PTPRR: variants seen among roughly 807,000 people sequenced by gnomAD.
The protein encoded by PTPRR is receptor-type tyrosine-protein phosphatase R.
PTPRR carries 38 observed loss-of-function variants against 77.2 expected under a neutral mutation model. That is an observed-to-expected ratio of 0.49 (90% CI 0.38 to 0.65). The LOEUF (loss-of-function observed/expected upper bound fraction) is 0.65, where lower values mean the gene tolerates loss of function less well. Among genes scored for constraint, PTPRR ranks in the 30% least tolerant of loss-of-function variants. The pLI is 0.00. For missense variants in PTPRR, 744 were observed against 799.2 expected (o/e 0.93, Z 0.83); for synonymous variants, 299 against 283.1 (o/e 1.06, Z -0.57).
chr12:70,768,277 T>C (rs879326894), intron 2 of PTPRR, among the ~76,000 whole-genome samples: 64 of 151,374 alleles, frequency 4.2e-4, no homozygotes, highest in Non-Finnish European at 6.5e-4. Context: ...GCAAGACTAA[T>C]AAAGCAAGAG....
At position 70,761,621 on chromosome 12, in the gene PTPRR, C is replaced by T. The variant is rs199506963; in HGVS notation, c.477G>A (p.Lys159=). ...ACACAAACAGTTCAATACTGTTCTT[C>T]TTTCCCTAATAAAAGCAGAATATTT... The part of the protein sequence containing the change: ...QQVHINRLIG[K]KNSIELFVSP... Residue 159 remains lysine (K), a synonymous_variant, in exon 4 of 14, where the codon AAG becomes AAA. Transcript: ENST00000283228. The T allele has an allele frequency of 4.5e-6, 7 of 1,557,740 alleles. No individual in the cohort carries two copies. In the East Asian group the frequency reaches 1.4e-4, roughly 30 times the overall value.
intron 2 of PTPRR, among the ~76,000 whole-genome samples, chr12:70,770,931 A>G (rs1890957048): frequency 6.9e-6 from 1 of 144,966 alleles, no homozygotes; most frequent in African/African-American, 2.5e-5. Flanking sequence ...GCATATTCTC[A>G]CTCATAGGTG....
chr12:70,713,538 C>T (rs1015068229), intron 6 of PTPRR, among the ~76,000 whole-genome samples: 1 of 147,016 alleles, frequency 6.8e-6, no homozygotes, highest in African/African-American at 2.5e-5. Flanking sequence ...CCAATTTCTC[C>T]ACATTCTTGC....
At chr12:70,726,439 G>A (rs1889438997) in intron 6 of PTPRR, among the ~76,000 whole-genome samples, 1 of 152,086 alleles carries the variant, frequency 6.6e-6, no homozygotes, top group Non-Finnish European at 1.5e-5. Context: ...TTTCCTTTCT[G>A]TAAAATGGGG....
chr12:70,673,347 A>G (rs888027781), intron 10 of PTPRR, among the ~76,000 whole-genome samples: 12 of 152,332 alleles, frequency 7.9e-5, no homozygotes, highest in Admixed American at 7.2e-4. Context: ...ACACAGATAA[A>G]CATACATTAC....
chr12:70,827,911 G>A (rs1223614974), intron 2 of PTPRR, among the ~76,000 whole-genome samples: 2 of 151,650 alleles, frequency 1.3e-5, no homozygotes, highest in South Asian at 2.1e-4. Flanking sequence ...TAGTAGAGAC[G>A]GGTTTCACCA....
rs190113142 is a variant in PTPRR, at chr12:70,875,918, C to T, written c.357+16761G>A. ...AACTGATACACATGAAAGATGTTGT[C>T]CTTTTCCATAGTCAGGGAGATGCAA... On this transcript the variant is annotated intron_variant, in intron 2 of 13. Transcript: ENST00000283228. Among the ~76,000 whole-genome samples, 29 of 152,180 alleles carry T rather than the reference C, an allele frequency of 1.9e-4. No individual in the cohort carries two copies. The East Asian group carries it at 4.2e-3, about 22-fold the overall frequency.
In PTPRR at chr12:70,693,447, C is replaced by T. The variant is rs144039619; in HGVS notation, c.1279+4818G>A. 6.7e-3 allele frequency among the ~76,000 whole-genome samples: 1,026 copies of T among 152,104 alleles called. 4 individuals are homozygous for T. Among genetic ancestry groups the T allele is most frequent in the Non-Finnish European group, 0.011 (750 of 67,998 alleles). ...AAGTAGCTGGGACCACACATGTGCA[C>T]CACCATGCCTGGCTACATTTTGTAT... On this transcript the variant is annotated intron_variant, in intron 8 of 13. Coordinates refer to ENST00000283228, the MANE Select transcript of PTPRR (RefSeq NM_002849.4).
intron 13 of PTPRR, among the ~76,000 whole-genome samples, chr12:70,642,522 G>T (rs1466589249): frequency 6.6e-6 from 1 of 152,074 alleles, no homozygotes; most frequent in East Asian, 1.9e-4. Context: ...TCTTTAATAT[G>T]AGTAAGTTGA....
intron 2 of PTPRR, among the ~76,000 whole-genome samples, chr12:70,865,142 C>T (rs976936767): frequency 3.9e-5 from 6 of 152,150 alleles, no homozygotes; most frequent in South Asian, 2.1e-4. Context: ...ACGGGTTTCT[C>T]CTTTTGTTTG....
intron 2 of PTPRR, among the ~76,000 whole-genome samples, chr12:70,863,786 G>A (rs1256681699): frequency 6.6e-6 from 1 of 151,888 alleles, no homozygotes; most frequent in Non-Finnish European, 1.5e-5. Context: ...CTTAGAAAAT[G>A]TCCAGTACTT....
chr12:70,902,891 A>G (rs1347098573), intron 1 of PTPRR, among the ~76,000 whole-genome samples: 6 of 151,828 alleles, frequency 4.0e-5, no homozygotes, highest in African/African-American at 1.2e-4. Context: ...TATGGGAAAA[A>G]GAGAAAAGGT....
At chr12:70,695,926 A>G (rs1415447571) in intron 8 of PTPRR, among the ~76,000 whole-genome samples, 2 of 152,184 alleles carry the variant, frequency 1.3e-5, no homozygotes, top group Non-Finnish European at 2.9e-5. Flanking sequence ...CCAGAAGGGG[A>G]AGGCCAAAGA....
chr12:70,748,036 C>A (rs1289789121), intron 5 of PTPRR, among the ~76,000 whole-genome samples: 1 of 152,062 alleles, frequency 6.6e-6, no homozygotes, highest in African/African-American at 2.4e-5. Flanking sequence ...CTACTGGCAT[C>A]TGGTAGGCAG....
rs76401650 is a variant in PTPRR at position 70,759,259 on chromosome 12, G to T, written c.627+2212C>A. ...CATGACTATTTGTTGACTCAGTTTTGTTGTGTGCCCATTGCATGCCAGGCA... is the reference window on the plus strand; with the variant it reads ...CATGACTATTTGTTGACTCAGTTTTTTTGTGTGCCCATTGCATGCCAGGCA... On this transcript the variant is annotated intron_variant, in intron 4 of 13. Coordinates refer to ENST00000283228, the MANE Select transcript of PTPRR (RefSeq NM_002849.4). Among the ~76,000 whole-genome samples, 354 of 152,192 alleles carry T rather than the reference G, an allele frequency of 2.3e-3. 2 individuals carry two copies. Among genetic ancestry groups the T allele is most frequent in the East Asian group, 0.011 (59 of 5,176 alleles).
intron 6 of PTPRR, among the ~76,000 whole-genome samples, chr12:70,738,346 T>C (rs770588743): frequency 3.3e-5 from 5 of 152,138 alleles, no homozygotes; most frequent in Non-Finnish European, 5.9e-5. Flanking sequence ...TCCGTTTTGA[T>C]AGAAAAAAAC....
At chr12:70,887,842 C>T (rs1005962519) in intron 2 of PTPRR, among the ~76,000 whole-genome samples, 3 of 152,030 alleles carry the variant, frequency 2.0e-5, no homozygotes, top group African/African-American at 4.8e-5. Flanking sequence ...CCCAAGTATC[C>T]TCCAGAATGC....
At chr12:70,804,263 G>C (rs930119643) in intron 2 of PTPRR, among the ~76,000 whole-genome samples, 7 of 151,482 alleles carry the variant, frequency 4.6e-5, no homozygotes, top group African/African-American at 1.7e-4. Context: ...TTTACCATTT[G>C]AAGACCTCTG....
chr12:70,767,393 C>G (rs1011790446), intron 2 of PTPRR, among the ~76,000 whole-genome samples: 1 of 149,782 alleles, frequency 6.7e-6, no homozygotes, highest in African/African-American at 2.5e-5. Flanking sequence ...GACTTTAAAC[C>G]AACAAAGATC....
Sources: allele counts gnomAD v4.1 joint callset (sites outside exome capture counted in the v4.1 genomes callset), GRCh38; gene constraint gnomAD v4.1.1; transcripts MANE v1.5; gene names NCBI Gene and HGNC (gene_info 2026-07-23, HGNC 2026-07-21).